TNFAIP8: variants seen among roughly 807,000 people sequenced by gnomAD.
The protein encoded by TNFAIP8 is TNF alpha induced protein 8.
In TNFAIP8, 7 loss-of-function variants were observed where a neutral mutation model predicts 13.3. The observed-to-expected ratio is 0.52, with a 90% CI of 0.30 to 0.99. The LOEUF (loss-of-function observed/expected upper bound fraction) is 0.99, where lower values mean the gene tolerates loss of function less well. Among genes scored for constraint, TNFAIP8 ranks in the 50% least tolerant of loss-of-function variants. TNFAIP8 has a pLI of 0.07. For synonymous variants in TNFAIP8, 94 were observed against 87.6 expected, an observed-to-expected ratio of 1.07 and a Z score of -0.41; for missense variants, 258 against 236.9, an observed-to-expected ratio of 1.09 and a Z score of -0.58.
At chr5:119,330,537 C>G (rs928783664) in intron 1 of TNFAIP8, among the ~76,000 whole-genome samples, 2 of 151,968 alleles carry the variant, frequency 1.3e-5, no homozygotes, top group Admixed American at 1.3e-4. Context: ...GCCTCATGGC[C>G]TCTCCTCTCA....
chr5:119,345,883 C>T (rs760477186), intron 1 of TNFAIP8, among the ~76,000 whole-genome samples: 8 of 152,046 alleles, frequency 5.3e-5, no homozygotes. Context: ...TATTTTGCCA[C>T]AATTTTTAAA....
At chr5:119,363,065 TA>T (rs1751694913) in intron 1 of TNFAIP8, among the ~76,000 whole-genome samples, 1 of 151,930 alleles carries the variant, frequency 6.6e-6, no homozygotes, top group African/African-American at 2.4e-5. Context: ...TATCCACTTT[TA>T]CAAAGGAGAG....
intron 1 of TNFAIP8, among the ~76,000 whole-genome samples, chr5:119,277,941 G>A (rs923056555): frequency 2.6e-5 from 4 of 152,108 alleles, no homozygotes; most frequent in African/African-American, 9.7e-5. Flanking sequence ...ACTCATAAGG[G>A]TGGAGCCCTT....
At chr5:119,356,342 C>T (rs963407692) in intron 1 of TNFAIP8, among the ~76,000 whole-genome samples, 1 of 152,140 alleles carries the variant, frequency 6.6e-6, no homozygotes, top group Non-Finnish European at 1.5e-5. Context: ...GAGGAAAAGT[C>T]GGACCTAGTT....
At chr5:119,360,153 G>A (rs1395214458) in intron 1 of TNFAIP8, among the ~76,000 whole-genome samples, 1 of 152,108 alleles carries the variant, frequency 6.6e-6, no homozygotes, top group Non-Finnish European at 1.5e-5. Flanking sequence ...CCATTGAACA[G>A]TCAGGATTAT....
chr5:119,388,907 G>C (rs1752785531), intron 1 of TNFAIP8, among the ~76,000 whole-genome samples: 1 of 151,768 alleles, frequency 6.6e-6, no homozygotes, highest in East Asian at 1.9e-4. Flanking sequence ...TCCTCCTAAA[G>C]TGCTGGGATT....
At chr5:119,346,884 C>T (rs995344598) in intron 1 of TNFAIP8, among the ~76,000 whole-genome samples, 2 of 152,126 alleles carry the variant, frequency 1.3e-5, no homozygotes, top group African/African-American at 2.4e-5. Flanking sequence ...AACTCTTGAC[C>T]GCATCACTGT....
intron 1 of TNFAIP8, among the ~76,000 whole-genome samples, chr5:119,319,085 T>G (rs777411429): frequency 6.6e-6 from 1 of 152,200 alleles, no homozygotes; most frequent in Non-Finnish European, 1.5e-5. Context: ...CTTTTGTAAC[T>G]GTGCTTTTAA....
chr5:119,397,367 A>C lies in TNFAIP8; in HGVS notation c.*3986A>C, dbSNP rs1753100043. On this transcript the variant is annotated 3_prime_UTR_variant, in exon 2 of 2. Coordinates refer to ENST00000504771, the MANE Select transcript of TNFAIP8 (RefSeq NM_014350.4). ...TAGTAAAAAGTGCTATTCAATTGCC[A>C]GGAAATTAAAATACTCCAGTAAAAT... is the stretch of plus-strand genomic sequence containing the variant. 6.6e-6 allele frequency: 1 copy of C among 152,250 alleles called. No homozygotes were observed. The highest frequency in any genetic ancestry group is 2.1e-4 in the South Asian group (1 of 4,832). The allele number at this position is 152,250 out of a possible 1,614,324, so 9.4% of individuals were successfully genotyped here.
In TNFAIP8 at chr5:119,361,810, A is replaced by G. The variant is rs538392475; in HGVS notation, c.31+5689A>G. 1.1e-4 allele frequency among the ~76,000 whole-genome samples: 17 copies of G among 152,318 alleles called. No individual in the cohort carries two copies. In the South Asian group the frequency reaches 2.5e-3, roughly 22 times the overall value. On this transcript the variant is annotated intron_variant, in intron 1 of 1. Coordinates refer to ENST00000504771, the MANE Select transcript of TNFAIP8 (RefSeq NM_014350.4). ...AGCTGGGGACCAGGGGTGTCCCCAG[A>G]GGCACAGGCTGTTCTGCCTGTCATG...
chr5:119,359,457 T>G (rs1296060657), intron 1 of TNFAIP8, among the ~76,000 whole-genome samples: 1 of 152,196 alleles, frequency 6.6e-6, no homozygotes, highest in Non-Finnish European at 1.5e-5. Flanking sequence ...AATGTCTGTT[T>G]TATTCCCCGC....
intron 1 of TNFAIP8, chr5:119,391,288 C>T (rs1439248911): frequency 3.0e-6 from 2 of 677,204 alleles, no homozygotes; most frequent in Admixed American, 2.1e-5. Context: ...ATCATTGATG[C>T]CTTGACTCAT....
intron 1 of TNFAIP8, among the ~76,000 whole-genome samples, chr5:119,388,630 T>C (rs79792415): frequency 4.6e-5 from 7 of 150,714 alleles, no homozygotes; most frequent in South Asian, 2.1e-4. Context: ...AGCATCTTTT[T>C]TTTTCTTTTC....
At chr5:119,374,460 G>C (rs1752204401) in intron 1 of TNFAIP8, among the ~76,000 whole-genome samples, 1 of 152,214 alleles carries the variant, frequency 6.6e-6, no homozygotes, top group South Asian at 2.1e-4. Flanking sequence ...CAGGGGAAGA[G>C]AGATTCCAGC....
chr5:119,310,664 G>T (rs1045670425), intron 1 of TNFAIP8, among the ~76,000 whole-genome samples: 8 of 152,142 alleles, frequency 5.3e-5, no homozygotes, highest in Non-Finnish European at 8.8e-5. Context: ...GTAAAACCCT[G>T]TCTCTACTAA....
At chr5:119,295,390 C>T (rs1017562443) in intron 1 of TNFAIP8, among the ~76,000 whole-genome samples, 1 of 151,778 alleles carries the variant, frequency 6.6e-6, no homozygotes, top group Non-Finnish European at 1.5e-5. Flanking sequence ...ATAGGGAATC[C>T]TTTCCCCATT....
chr5:119,374,746 C>CG (rs1405472327), intron 1 of TNFAIP8, among the ~76,000 whole-genome samples: 4 of 152,056 alleles, frequency 2.6e-5, no homozygotes, highest in Non-Finnish European at 4.4e-5. Context: ...CTGGAATGGC[C>CG]GGGGGGCTAA....
intron 1 of TNFAIP8, among the ~76,000 whole-genome samples, chr5:119,370,433 C>T (rs1225161690): frequency 6.6e-6 from 1 of 152,174 alleles, no homozygotes; most frequent in East Asian, 1.9e-4. Flanking sequence ...GTTGAGTTTA[C>T]ACAGAGAAGT....
intron 1 of TNFAIP8, among the ~76,000 whole-genome samples, chr5:119,317,183 G>A (rs950779709): frequency 1.3e-5 from 2 of 152,266 alleles, no homozygotes; most frequent in East Asian, 3.9e-4. Flanking sequence ...GCACCTCCTG[G>A]TTCCGATTTC....
Sources: allele counts gnomAD v4.1 joint callset (sites outside exome capture counted in the v4.1 genomes callset), GRCh38; gene constraint gnomAD v4.1.1; transcripts MANE v1.5; gene names NCBI Gene and HGNC (gene_info 2026-07-23, HGNC 2026-07-21).